The following SIPA1L1 variants were observed in gnomAD, a reference collection of about 807,000 sequenced individuals.
The protein encoded by SIPA1L1 is signal-induced proliferation-associated 1-like protein 1.
SIPA1L1 carries 26 observed loss-of-function variants against 162.7 expected under a neutral mutation model. The observed-to-expected ratio is 0.16, with a 90% confidence interval of 0.12 to 0.22. The LOEUF (loss-of-function observed/expected upper bound fraction) is 0.22, where lower values mean the gene tolerates loss of function less well. Among genes scored for constraint, SIPA1L1 ranks in the 10% least tolerant of loss-of-function variants. The pLI, the probability that SIPA1L1 is intolerant of heterozygous loss-of-function variation, is 1.00. For synonymous variants in SIPA1L1, 829 were observed against 837.4 expected (o/e 0.99, Z 0.17); for missense variants, 1,874 against 2,241.0 (o/e 0.84, Z 3.31).
chr14:71,400,985 A>G (rs905308888), intron 2 of SIPA1L1: 2 of 152,190 alleles, frequency 1.3e-5, no homozygotes, highest in Admixed American at 1.3e-4. Flanking sequence ...TTCAGGTTGC[A>G]CTTACTGCAG....
intron 12 of SIPA1L1, among the ~76,000 whole-genome samples, chr14:71,676,572 C>A (rs2045215159): frequency 6.7e-6 from 1 of 150,156 alleles, no homozygotes; most frequent in African/African-American, 2.5e-5. Context: ...GTGTGCTGCA[C>A]CCATTAACTC....
At chr14:71,354,797 T>C (rs1031502656) in intron 2 of SIPA1L1, among the ~76,000 whole-genome samples, 3 of 152,242 alleles carry the variant, frequency 2.0e-5, no homozygotes, top group Admixed American at 1.3e-4. Context: ...ATATAGTTTA[T>C]GTTTTAACTT....
chr14:71,332,387 A>G (rs1285282867), intron 2 of SIPA1L1, among the ~76,000 whole-genome samples: 1 of 152,124 alleles, frequency 6.6e-6, no homozygotes, highest in Non-Finnish European at 1.5e-5. Context: ...CTTTTAGTCA[A>G]AGGCCACCTG....
intron 3 of SIPA1L1, among the ~76,000 whole-genome samples, chr14:71,514,376 C>G (rs1297536527): frequency 6.6e-6 from 1 of 152,130 alleles, no homozygotes; most frequent in Admixed American, 6.5e-5. Context: ...GCATTCTTCC[C>G]TTACCAGCAG....
At chr14:71,340,448 T>G (rs1011028958) in intron 2 of SIPA1L1, among the ~76,000 whole-genome samples, 1 of 152,230 alleles carries the variant, frequency 6.6e-6, no homozygotes, top group African/African-American at 2.4e-5. Context: ...TTATTCCATC[T>G]CATTTTATCC....
intron 4 of SIPA1L1, among the ~76,000 whole-genome samples, chr14:71,567,806 T>G (rs1210990085): frequency 4.6e-5 from 7 of 150,752 alleles, no homozygotes; most frequent in Non-Finnish European, 8.9e-5. Flanking sequence ...ATTTCTTGAT[T>G]ATATACTAAA....
chr14:71,387,943 G>T (rs1452681959), intron 2 of SIPA1L1, among the ~76,000 whole-genome samples: 5 of 152,192 alleles, frequency 3.3e-5, no homozygotes, highest in African/African-American at 1.2e-4. Flanking sequence ...AATTTCTAGA[G>T]TATCAGTATG....
At chr14:71,544,278 T>TGTGTATATACACATGATATGTGTATATAC (rs1208886299) in intron 4 of SIPA1L1, among the ~76,000 whole-genome samples, 2 of 105,154 alleles carry the variant, frequency 1.9e-5, no homozygotes, top group Non-Finnish European at 5.2e-5. Context: ...TGTATATACA[T>TGTGTATATACACATGATATGTGTATATAC]ATGTGTATAT....
chr14:71,468,557 A>T (rs2047206501), intron 2 of SIPA1L1, among the ~76,000 whole-genome samples: 1 of 152,170 alleles, frequency 6.6e-6, no homozygotes, highest in African/African-American at 2.4e-5. Context: ...GGATGGTTTT[A>T]AGCCACTCAT....
Position 71,736,225 on chromosome 14 carries a change from G to A in SIPA1L1, c.5123+834G>A, listed in dbSNP as rs184776909. 5.2e-3 allele frequency among the ~76,000 whole-genome samples: 785 copies of A among 152,212 alleles called. 7 individuals carry two copies. The highest frequency in any genetic ancestry group is 7.4e-3 in the Non-Finnish European group (503 of 68,010). Reference sequence around the variant, plus strand: ...AGCCTGGGCAACATGCTGAAACCCTGTCTCTACTAAAAATACAAAAAATTA... The same window carrying A: ...AGCCTGGGCAACATGCTGAAACCCTATCTCTACTAAAAATACAAAAAATTA... On this transcript the variant is annotated intron_variant, in intron 22 of 23. Coordinates refer to ENST00000381232, the MANE Select transcript of SIPA1L1 (RefSeq NM_001386936.1).
chr14:71,668,708 G>A (rs1399497463), intron 10 of SIPA1L1, among the ~76,000 whole-genome samples: 1 of 152,132 alleles, frequency 6.6e-6, no homozygotes, highest in Admixed American at 6.5e-5. Flanking sequence ...CTGTCATCTA[G>A]ATAACCCTGC....
intron 2 of SIPA1L1, among the ~76,000 whole-genome samples, chr14:71,368,012 C>T: frequency 6.8e-6 from 1 of 146,458 alleles, no homozygotes; most frequent in Admixed American, 7.0e-5. Flanking sequence ...AGTGTGAAAT[C>T]TTAAACCTTT....
chr14:71,581,691 CT>C, intron 4 of SIPA1L1, among the ~76,000 whole-genome samples: 1 of 152,220 alleles, frequency 6.6e-6, no homozygotes. Context: ...GATAAAAACA[CT>C]CATTTACTTC....
chr14:71,365,382 T>C (rs1175850369), intron 2 of SIPA1L1, among the ~76,000 whole-genome samples: 1 of 152,090 alleles, frequency 6.6e-6, no homozygotes, highest in Admixed American at 6.5e-5. Context: ...AATGCCAAAA[T>C]CTAGCTCAAG....
chr14:71,477,764 A>G (rs1319473607), intron 2 of SIPA1L1, among the ~76,000 whole-genome samples: 1 of 150,968 alleles, frequency 6.6e-6, no homozygotes, highest in Non-Finnish European at 1.5e-5. Context: ...ATTGAAGGAC[A>G]TTTGGTTTGT....
chr14:71,339,214 A>G (rs2035396173), intron 2 of SIPA1L1, among the ~76,000 whole-genome samples: 1 of 152,022 alleles, frequency 6.6e-6, no homozygotes, highest in South Asian at 2.1e-4. Flanking sequence ...TCTTTTTTTC[A>G]TGGTTCTTTA....
chr14:71,482,529 C>G (rs2048427671), intron 2 of SIPA1L1, among the ~76,000 whole-genome samples: 1 of 152,188 alleles, frequency 6.6e-6, no homozygotes, highest in African/African-American at 2.4e-5. Flanking sequence ...TTTGTTGCCA[C>G]TCTTTCCCTG....
chr14:71,533,308 T>C (rs2053608619), intron 4 of SIPA1L1, among the ~76,000 whole-genome samples: 1 of 152,230 alleles, frequency 6.6e-6, no homozygotes, highest in African/African-American at 2.4e-5. Flanking sequence ...CACTTAGGAA[T>C]AGACATAAAA....
Position 71,377,282 on chromosome 14 carries a change from TTC to T in SIPA1L1, c.-465+56104_-465+56105del, listed in dbSNP as rs2039479610. On this transcript the variant is annotated intron_variant, in intron 2 of 23. Transcript: ENST00000381232. This position sits in a 1 kb window ranked among gnomAD's most constrained non-coding sequence, Gnocchi z 4.8. Reference sequence around the variant, plus strand: ...ACGGGGCGGCGGCCGGACGGGGGCGTTCTCCACTTCTCAGACAGGGCGGCTGC... The same window carrying T: ...ACGGGGCGGCGGCCGGACGGGGGCGTTCCACTTCTCAGACAGGGCGGCTGC... Among the ~76,000 whole-genome samples the T allele has an allele frequency of 2.7e-5, 4 of 149,634 alleles. No homozygotes were observed. Among genetic ancestry groups the T allele is most frequent in the Admixed American group, 2.6e-4 (4 of 15,136 alleles).
Sources: allele counts gnomAD v4.1 joint callset (sites outside exome capture counted in the v4.1 genomes callset), GRCh38; gene constraint gnomAD v4.1.1; non-coding constraint Gnocchi (gnomAD v3.1); transcripts MANE v1.5; gene names NCBI Gene and HGNC (gene_info 2026-07-23, HGNC 2026-07-21).